The following NETO1 variants were observed in gnomAD, a reference collection of about 807,000 sequenced individuals.
NETO1 encodes the protein neuropilin and tolloid like 1, also known as neuropilin and tolloid-like protein 1.
NETO1 carries 26 observed loss-of-function variants against 61.3 expected under a neutral mutation model. The ratio of observed to expected loss-of-function variants is 0.42; its 90% CI spans 0.31 to 0.59. The LOEUF is 0.59. Ranked by LOEUF, NETO1 falls within the 20% of genes least tolerant of loss-of-function variation. NETO1 has a pLI of 0.12. For synonymous variants in NETO1, 225 were observed against 225.8 expected, an observed-to-expected ratio of 1.00 and a Z score of 0.03; for missense variants, 531 against 662.8, an observed-to-expected ratio of 0.80 and a Z score of 2.18.
intron 9 of NETO1, 33 bp from the exon 10 acceptor site, chr18:72,749,121 T>A: frequency 7.9e-7 from 1 of 1,261,130 alleles, no homozygotes; most frequent in Non-Finnish European, 1.1e-6. Context: ...TTCAACAAAG[T>A]ACTATTTGCA....
intron 3 of NETO1, 79 bp downstream of exon 3, chr18:72,864,729 G>C: frequency 6.4e-7 from 1 of 1,562,976 alleles, no homozygotes; most frequent in Non-Finnish European, 8.8e-7. Flanking sequence ...ATGCCTATAC[G>C]CATATTCTTC....
intron 4 of NETO1, among the ~76,000 whole-genome samples, chr18:72,853,965 G>A (rs911153671): frequency 5.9e-5 from 9 of 151,970 alleles, no homozygotes; most frequent in African/African-American, 1.2e-4. Context: ...ATATATTCAC[G>A]TTTCTGATCC....
chr18:72,813,810 T>C (rs1019981811), intron 4 of NETO1, among the ~76,000 whole-genome samples: 5 of 151,980 alleles, frequency 3.3e-5, no homozygotes, highest in East Asian at 1.9e-4. Flanking sequence ...ACTAATCTTA[T>C]CAGGTTTCTA....
At chr18:72,752,863 A>G (rs2070668470) in intron 8 of NETO1, among the ~76,000 whole-genome samples, 1 of 152,224 alleles carries the variant, frequency 6.6e-6, no homozygotes, top group Non-Finnish European at 1.5e-5. Flanking sequence ...ACAATTACTA[A>G]CATGATAACT....
At chr18:72,802,178 AT>A (rs36125999) in intron 4 of NETO1, among the ~76,000 whole-genome samples, 56,127 of 151,378 alleles carry the variant, frequency 0.37, 11,056 homozygotes, top group Middle Eastern at 0.53. Flanking sequence ...AAAACAGTAT[AT>A]TTTTAAACGT....
downstream of NETO1, chr18:72,742,640 C>T (rs1035051672): frequency 1.3e-5 from 2 of 151,978 alleles, no homozygotes; most frequent in African/African-American, 4.8e-5. Flanking sequence ...TGAATATTAA[C>T]GTGGTTATAT....
chr18:72,824,229 G>T (rs551138929), intron 4 of NETO1, among the ~76,000 whole-genome samples: 2 of 152,314 alleles, frequency 1.3e-5, no homozygotes, highest in South Asian at 4.1e-4. Flanking sequence ...AATTTAGTGG[G>T]TACTTATCGA....
At chr18:72,850,617 G>A (rs2074220184) in intron 4 of NETO1, among the ~76,000 whole-genome samples, 1 of 152,210 alleles carries the variant, frequency 6.6e-6, no homozygotes, top group Non-Finnish European at 1.5e-5. Flanking sequence ...ACAATAATGA[G>A]TTAAATGTTA....
At position 72,787,586 on chromosome 18, in the gene NETO1, G is replaced by A. The variant is rs545368715; in HGVS notation, c.640-3680C>T. On this transcript the variant is annotated intron_variant, in intron 6 of 10. Coordinates refer to ENST00000327305, the MANE Select transcript of NETO1 (RefSeq NM_138966.5). The stretch of plus-strand genomic sequence containing the variant: ...TTATTGTTAGGAAAAGAAAGTTTGC[G>A]TGTTATATTGACGATAGCTTAAGAC... Among the ~76,000 whole-genome samples, 11 of 152,260 alleles carry A rather than the reference G, an allele frequency of 7.2e-5. No homozygotes were observed. The East Asian group carries it at 7.7e-4, about 11-fold the overall frequency.
At chr18:72,850,984 T>C (rs8098624) in intron 4 of NETO1, among the ~76,000 whole-genome samples, 91,988 of 152,042 alleles carry the variant, frequency 0.61, 29,114 homozygotes, top group South Asian at 0.74. Flanking sequence ...ATTTCTGTGC[T>C]GCAACTGAGT....
At chr18:72,792,930 C>T (rs1363433358) in intron 6 of NETO1, among the ~76,000 whole-genome samples, 2 of 152,146 alleles carry the variant, frequency 1.3e-5, no homozygotes, top group Admixed American at 1.3e-4. Flanking sequence ...AAATACTTCT[C>T]ATTAAGATTC....
At chr18:72,812,549 C>T (rs145779616) in intron 4 of NETO1, among the ~76,000 whole-genome samples, 206 of 152,312 alleles carry the variant, frequency 1.4e-3, no homozygotes, top group African/African-American at 3.9e-3. Flanking sequence ...TGACCAAGGT[C>T]ACATCAATTC....
At chr18:72,794,655 G>T (rs2072250296) in intron 4 of NETO1, among the ~76,000 whole-genome samples, 1 of 151,904 alleles carries the variant, frequency 6.6e-6, no homozygotes, top group African/African-American at 2.4e-5. Context: ...TTTTTCTAAT[G>T]CCTTTCCTGC....
intron 4 of NETO1, among the ~76,000 whole-genome samples, chr18:72,805,397 T>G (rs1488985812): frequency 2.6e-5 from 4 of 152,232 alleles, no homozygotes; most frequent in Admixed American, 2.6e-4. Context: ...AAAAGGGTTT[T>G]TTCTGGTTTC....
intron 4 of NETO1, among the ~76,000 whole-genome samples, chr18:72,817,879 G>A (rs1378747738): frequency 6.6e-6 from 1 of 152,132 alleles, no homozygotes; most frequent in African/African-American, 2.4e-5. Context: ...ACGGTAAACT[G>A]CCCAGTGAAG....
At chr18:72,772,494 C>A (rs974361024) in intron 7 of NETO1, among the ~76,000 whole-genome samples, 2 of 151,996 alleles carry the variant, frequency 1.3e-5, no homozygotes, top group Non-Finnish European at 2.9e-5. Context: ...AAACTAGAGA[C>A]AAGCTGTCTG....
chr18:72,772,821 CTCTCTATATATATA>C (rs1260286704), intron 7 of NETO1, among the ~76,000 whole-genome samples: 105 of 50,556 alleles, frequency 2.1e-3, no homozygotes, highest in Non-Finnish European at 2.7e-3. Context: ...CTCTCTCTCT[CTCTCTATATATATA>C]TATATATATA....
intron 4 of NETO1, among the ~76,000 whole-genome samples, chr18:72,797,594 G>C (rs1168598454): frequency 6.6e-6 from 1 of 152,158 alleles, no homozygotes; most frequent in Non-Finnish European, 1.5e-5. Flanking sequence ...TTCCACTCTG[G>C]ATCTGTCCCT....
Position 72,830,673 on chromosome 18 carries a change from C to G in NETO1, c.469+28153G>C, listed in dbSNP as rs1385326929. Among the ~76,000 whole-genome samples, 6 of 152,040 alleles carry G rather than the reference C, an allele frequency of 3.9e-5. No homozygotes were observed. Among genetic ancestry groups the G allele is most frequent in the Non-Finnish European group, 8.8e-5 (6 of 68,010 alleles). On this transcript the variant is annotated intron_variant, in intron 4 of 10. Transcript: ENST00000327305. The surrounding 1 kb of genome is among the most constrained non-coding windows in gnomAD (Gnocchi z 4.9). ...AAAGCATATGAAAATCTGTCTTAAT[C>G]CTGATTCCTAGTTGAACTGAGTCTT...
Sources: gnomAD v4.1 joint callset for allele counts (sites outside exome capture counted in the v4.1 genomes callset) on GRCh38, gnomAD v4.1.1 for gene constraint, Gnocchi (gnomAD v3.1) non-coding constraint, MANE v1.5 for transcripts, NCBI Gene and HGNC (gene_info 2026-07-23, HGNC 2026-07-21) for gene names.